Variants in NLRP2 observed in about 807,000 individuals in gnomAD.
NLRP2 encodes NACHT, LRR and PYD domains-containing protein 2.
A neutral mutation model predicts 97.2 loss-of-function variants in NLRP2; 107 were observed. The ratio of observed to expected loss-of-function variants is 1.10; its 90% CI spans 0.94 to 1.29. The LOEUF is 1.29. Among genes scored for constraint, NLRP2 ranks in the 50% most tolerant of loss-of-function variants. The pLI is 0.00. For synonymous variants in NLRP2, 663 were observed against 551.5 expected, an observed-to-expected ratio of 1.20 and a Z score of -2.83; for missense variants, 1,495 against 1,330.3, an observed-to-expected ratio of 1.12 and a Z score of -1.93.
rs777890352 is a variant in NLRP2, at chr19:54,974,542, T to C, written c.323T>C (p.Leu108Ser). 6.1e-5 allele frequency: 97 copies of C among 1,590,844 alleles called. No individual in the cohort carries two copies. The highest frequency in any genetic ancestry group is 4.0e-5 in the Non-Finnish European group (46 of 1,158,926). ...KSFNKRKPLSLGITRKERPPL... is the reference protein window; with the variant it reads ...KSFNKRKPLSSGITRKERPPL... ...TTTAATAAAAGGAAGCCTCTATCAT[T>C]AGGTAAGTTACCTCATTTATAACTT... The change falls in exon 3 of 13, where the codon TTA becomes TCA. Residue 108 changes from leucine (L) to serine (S), a missense_variant and splice_region_variant. By Grantham distance (145) the Leu-to-Ser change is moderately radical (BLOSUM62 -2). Coordinates refer to ENST00000448584, the MANE Select transcript of NLRP2 (RefSeq NM_017852.5).
chr19:54,981,336 T>A (rs2071556283), intron 4 of NLRP2, among the ~76,000 whole-genome samples: 1 of 151,960 alleles, frequency 6.6e-6, no homozygotes, highest in South Asian at 2.1e-4. Flanking sequence ...GCCTGGCTAA[T>A]TTTTGCATTT....
At chr19:54,978,744 G>A (rs980140488) in intron 4 of NLRP2, among the ~76,000 whole-genome samples, 2 of 151,510 alleles carry the variant, frequency 1.3e-5, no homozygotes, top group African/African-American at 4.8e-5. Context: ...CTACTCAGGA[G>A]GCTGAGGCAG....
intron 4 of NLRP2, 100 bp from the exon 5 acceptor site, chr19:54,981,517 T>TCCCCCCCA: frequency 3.6e-6 from 1 of 274,194 alleles, no homozygotes. Context: ...GTGCCCCCCC[T>TCCCCCCCA]CCCCCCCGCC....
At chr19:54,974,165 C>T in intron 2 of NLRP2, 1 of 604,906 alleles carries the variant, frequency 1.7e-6, no homozygotes. Flanking sequence ...ACCAGCCTGG[C>T]CAAAATGGTG....
chr19:54,981,523 C>CGG (rs2071570878), intron 4 of NLRP2, 94 bp from the exon 5 acceptor site: 1 of 459,956 alleles, frequency 2.2e-6, no homozygotes, highest in Non-Finnish European at 4.4e-6. Flanking sequence ...CCCCTCCCCC[C>CGG]CGCCCCATCA....
intron 7 of NLRP2, 72 bp from the exon 8 acceptor site, chr19:54,986,079 G>A (rs2072054073): frequency 4.2e-6 from 4 of 962,024 alleles, no homozygotes; most frequent in Admixed American, 1.8e-5. Context: ...AATATATCGA[G>A]CCCCTGGTTT....
chr19:54,989,545 C>G (rs767427857), intron 8 of NLRP2: 1 of 240,150 alleles, frequency 4.2e-6, no homozygotes, highest in African/African-American at 2.2e-5. Context: ...TGACTAAGTT[C>G]TGTATTTCCA....
intron 3 of NLRP2, among the ~76,000 whole-genome samples, chr19:54,975,698 C>T (rs62124626): frequency 0.089 from 13,464 of 151,872 alleles, 838 homozygotes; most frequent in East Asian, 0.24. Flanking sequence ...GTGATCCGCC[C>T]GCCTCGGCCT....
At chr19:54,988,022 C>A (rs1395864226) in intron 8 of NLRP2, among the ~76,000 whole-genome samples, 1 of 152,128 alleles carries the variant, frequency 6.6e-6, no homozygotes, top group Admixed American at 6.6e-5. Flanking sequence ...CCAGCCTGGG[C>A]AACAGAGCAA....
At position 55,000,806 on chromosome 19, in the gene NLRP2, G is replaced by T. The variant is rs2073146636; in HGVS notation, c.3097G>T (p.Glu1033Ter). The T allele has an allele frequency of 6.2e-7, 1 of 1,613,642 alleles. No homozygotes were observed. The highest frequency in any genetic ancestry group is 8.5e-7 in the Non-Finnish European group (1 of 1,179,698). Residue 1033 changes from glutamate to a stop codon, truncating the protein, a stop_gained, in exon 13 of 13, where the codon GAA (glutamate) becomes TAA (stop). Coordinates refer to ENST00000448584, the MANE Select transcript of NLRP2 (RefSeq NM_017852.5). LOFTEE classifies it low-confidence loss of function (END_TRUNC). ...FNDELNKLLE[E>*]IEEKNPQLII... ...TGATGAACTCAATAAGCTGCTGGAA[G>T]AAATAGAAGAAAAAAACCCACAACT...
At chr19:54,981,521 C>G in intron 4 of NLRP2, 96 bp from the exon 5 acceptor site, 1 of 430,398 alleles carries the variant, frequency 2.3e-6, no homozygotes, top group Non-Finnish European at 4.8e-6. Context: ...CCCCCCTCCC[C>G]CCCGCCCCAT....
chr19:54,996,857 C>T (rs2072853792), intron 11 of NLRP2, among the ~76,000 whole-genome samples: 1 of 152,086 alleles, frequency 6.6e-6, no homozygotes, highest in African/African-American at 2.4e-5. Context: ...CTTCAGAACC[C>T]CTCATCGCCT....
intron 2 of NLRP2, among the ~76,000 whole-genome samples, chr19:54,972,207 A>G (rs2070906761): frequency 6.8e-6 from 1 of 147,944 alleles, no homozygotes; most frequent in African/African-American, 2.5e-5. Flanking sequence ...GTTTGAGACA[A>G]GTCTCACTCT....
chr19:54,975,096 A>T (rs1050660879), intron 3 of NLRP2, among the ~76,000 whole-genome samples: 4 of 94,060 alleles, frequency 4.3e-5, no homozygotes, highest in Admixed American at 4.1e-4. Flanking sequence ...CCACCACCAC[A>T]CCCGGTTTTG....
intron 10 of NLRP2, among the ~76,000 whole-genome samples, chr19:54,992,985 G>A (rs115339500): frequency 0.022 from 3,344 of 152,038 alleles, 121 homozygotes; most frequent in African/African-American, 0.075. Flanking sequence ...TCTTTGAGAG[G>A]CCGAGGCAGG....
chr19:54,990,923 T>A (rs573907748), intron 10 of NLRP2: 5 of 552,732 alleles, frequency 9.0e-6, no homozygotes, highest in Non-Finnish European at 1.6e-5. Context: ...TCTTTATGTA[T>A]GTATGTATTT....
intron 4 of NLRP2, 89 bp from the exon 5 acceptor site, chr19:54,981,528 C>CCCCA: frequency 3.4e-6 from 2 of 584,216 alleles, no homozygotes; most frequent in Admixed American, 1.9e-5. Flanking sequence ...CCCCCCCGCC[C>CCCCA]CATCAGCCTG....
intron 12 of NLRP2, among the ~76,000 whole-genome samples, chr19:54,998,465 T>C (rs2072963722): frequency 1.3e-5 from 2 of 152,158 alleles, no homozygotes; most frequent in African/African-American, 4.8e-5. Flanking sequence ...CTTGTTTATT[T>C]AACATGAAAC....
intron 10 of NLRP2, among the ~76,000 whole-genome samples, chr19:54,992,967 G>A (rs568262772): frequency 5.6e-4 from 85 of 152,052 alleles, no homozygotes; most frequent in African/African-American, 1.6e-3. Context: ...CTAGAAGGCC[G>A]GGTAGGGTCT....
Sources: allele counts gnomAD v4.1 joint callset (sites outside exome capture counted in the v4.1 genomes callset), GRCh38; gene constraint gnomAD v4.1.1; transcripts MANE v1.5; gene names NCBI Gene and HGNC (gene_info 2026-07-23, HGNC 2026-07-21).